Variants in DSCAM observed in about 807,000 individuals in gnomAD.
The protein encoded by DSCAM is DS cell adhesion molecule.
DSCAM carries 47 observed loss-of-function variants against 217.7 expected under a neutral mutation model. The ratio of observed to expected loss-of-function variants is 0.22; its 90% CI spans 0.17 to 0.28. The LOEUF is 0.28. Among genes scored for constraint, DSCAM ranks in the 10% least tolerant of loss-of-function variants. The pLI is 1.00. For missense variants in DSCAM, 2,080 were observed against 2,618.3 expected, an observed-to-expected ratio of 0.79 and a Z score of 4.49; for synonymous variants, 1,056 against 1,015.3, an observed-to-expected ratio of 1.04 and a Z score of -0.76.
chr21:40,040,246 C>T (rs904189961), intron 32 of DSCAM, among the ~76,000 whole-genome samples: 1 of 152,138 alleles, frequency 6.6e-6, no homozygotes, highest in Admixed American at 6.5e-5. Context: ...AATCATTTTA[C>T]TCTGAATAGT....
rs527437084 is a variant in DSCAM, at chr21:40,234,730, A to G, written c.2356+41367T>C. On this transcript the variant is annotated intron_variant, in intron 11 of 32. Coordinates refer to ENST00000400454, the MANE Select transcript of DSCAM (RefSeq NM_001389.5). ...TACATTTAAATGCATCCAGTTGCCA[A>G]TTCTTTGGGTGGATATGTTTCTTTT... 9.2e-5 allele frequency among the ~76,000 whole-genome samples: 14 copies of G among 152,166 alleles called. No individual in the cohort carries two copies. The East Asian group carries it at 2.5e-3, about 27-fold the overall frequency.
intron 1 of DSCAM, among the ~76,000 whole-genome samples, chr21:40,834,502 C>T (rs1242727445): frequency 6.6e-6 from 1 of 151,014 alleles, no homozygotes; most frequent in African/African-American, 2.4e-5. Context: ...CCTTATTTCT[C>T]ATGGCTCTAT....
At chr21:40,417,891 C>T (rs1045218767) in intron 3 of DSCAM, among the ~76,000 whole-genome samples, 13 of 152,178 alleles carry the variant, frequency 8.5e-5, no homozygotes, top group African/African-American at 3.1e-4. Flanking sequence ...TGCCTGTCCA[C>T]TATCATGATC....
At chr21:40,213,099 T>G (rs1206811114) in intron 11 of DSCAM, among the ~76,000 whole-genome samples, 1 of 152,236 alleles carries the variant, frequency 6.6e-6, no homozygotes, top group Non-Finnish European at 1.5e-5. Flanking sequence ...TCCATCGTGG[T>G]CATTTTGCAT....
At chr21:40,612,747 G>A (rs2089332603) in intron 3 of DSCAM, among the ~76,000 whole-genome samples, 1 of 152,168 alleles carries the variant, frequency 6.6e-6, no homozygotes, top group Non-Finnish European at 1.5e-5. Context: ...CAAACTGCAA[G>A]GGAAGAAGGA....
chr21:40,381,328 T>A (rs1419025569), intron 3 of DSCAM, among the ~76,000 whole-genome samples: 1 of 152,140 alleles, frequency 6.6e-6, no homozygotes, highest in Non-Finnish European at 1.5e-5. Flanking sequence ...TGCTATTGGA[T>A]GTGCTCGTTG....
intron 8 of DSCAM, among the ~76,000 whole-genome samples, chr21:40,326,553 G>A (rs769411306): frequency 2.2e-4 from 34 of 152,158 alleles, no homozygotes; most frequent in Non-Finnish European, 3.7e-4. Context: ...GTGGAGAAAC[G>A]GGGAACTATT....
At chr21:40,123,479 C>A (rs910278190) in intron 20 of DSCAM, among the ~76,000 whole-genome samples, 9 of 152,008 alleles carry the variant, frequency 5.9e-5, no homozygotes, top group East Asian at 1.9e-4. Flanking sequence ...TTTGGTGGGT[C>A]ATTTTAATGT....
intron 3 of DSCAM, among the ~76,000 whole-genome samples, chr21:40,393,382 A>G (rs146633414): frequency 6.6e-6 from 1 of 152,228 alleles, no homozygotes; most frequent in Non-Finnish European, 1.5e-5. Flanking sequence ...ACATGTTCCC[A>G]GCCCTTTTGT....
intron 3 of DSCAM, among the ~76,000 whole-genome samples, chr21:40,579,457 A>C (rs1375102620): frequency 1.3e-5 from 2 of 152,126 alleles, no homozygotes; most frequent in African/African-American, 2.4e-5. Context: ...TTAATAGGAG[A>C]CCTGGAAGAA....
chr21:40,263,827 AAAG>A (rs2073486033), intron 11 of DSCAM, among the ~76,000 whole-genome samples: 1 of 152,146 alleles, frequency 6.6e-6, no homozygotes. Context: ...CCAAGAAAAG[AAAG>A]AAGATTCAGA....
At chr21:40,794,681 CTG>C (rs368762594) in intron 1 of DSCAM, among the ~76,000 whole-genome samples, 50 of 150,524 alleles carry the variant, frequency 3.3e-4, no homozygotes, top group African/African-American at 1.1e-3. Flanking sequence ...TTAACATGCA[CTG>C]TGTCATGGAT....
At chr21:40,355,389 ACAT>A (rs1309155148) in intron 4 of DSCAM, among the ~76,000 whole-genome samples, 1 of 152,210 alleles carries the variant, frequency 6.6e-6, no homozygotes, top group Non-Finnish European at 1.5e-5. Context: ...CTGTTCTGTG[ACAT>A]CATCTTGAAC....
intron 30 of DSCAM, 33 bp downstream of exon 30, chr21:40,051,925 A>T: frequency 6.3e-7 from 1 of 1,590,606 alleles, no homozygotes; most frequent in Non-Finnish European, 8.6e-7. Flanking sequence ...CATTGTTAAC[A>T]CCCACACATT....
At chr21:40,442,635 T>G (rs1250086157) in intron 3 of DSCAM, among the ~76,000 whole-genome samples, 1 of 148,474 alleles carries the variant, frequency 6.7e-6, no homozygotes, top group African/African-American at 2.5e-5. Context: ...TTCTTCTGCC[T>G]CAGCCTCCTG....
At chr21:40,780,421 G>GTATATATATA (rs1490666344) in intron 1 of DSCAM, among the ~76,000 whole-genome samples, 12 of 48,034 alleles carry the variant, frequency 2.5e-4, no homozygotes, top group East Asian at 1.9e-3. Flanking sequence ...GTGTGTGTGT[G>GTATATATATA]TGTATATATA....
At position 40,306,968 on chromosome 21, in the gene DSCAM, G is replaced by A. The variant is rs1051888696; in HGVS notation, c.2062+5113C>T. The stretch of plus-strand genomic sequence containing the variant: ...GACGCTGGCCTCATAAAATGAGTTA[G>A]GGAGGATTCCCTCTTTTTCTATTGA... On this transcript the variant is annotated intron_variant, in intron 9 of 32. Coordinates refer to ENST00000400454, the MANE Select transcript of DSCAM (RefSeq NM_001389.5). Among the ~76,000 whole-genome samples, 797 of 152,200 alleles carry A rather than the reference G, an allele frequency of 5.2e-3. 11 individuals carry two copies. The highest frequency in any genetic ancestry group is 0.017 in the African/African-American group (699 of 41,522).
At chr21:40,619,201 T>C (rs1167101144) in intron 3 of DSCAM, among the ~76,000 whole-genome samples, 1 of 152,224 alleles carries the variant, frequency 6.6e-6, no homozygotes, top group Non-Finnish European at 1.5e-5. Flanking sequence ...AGTATAGCAT[T>C]CTGAGATGAA....
chr21:40,428,899 T>C (rs1243989380), intron 3 of DSCAM, among the ~76,000 whole-genome samples: 3 of 152,112 alleles, frequency 2.0e-5, no homozygotes, highest in Non-Finnish European at 4.4e-5. Context: ...TAAAATATAA[T>C]GAAAGTTGCA....
Sources: allele counts gnomAD v4.1 joint callset (sites outside exome capture counted in the v4.1 genomes callset), GRCh38; gene constraint gnomAD v4.1.1; transcripts MANE v1.5; gene names NCBI Gene and HGNC (gene_info 2026-07-23, HGNC 2026-07-21).